Variants in PSMD14 observed in about 807,000 individuals in gnomAD.
PSMD14 encodes ubiquitin C-terminal hydrolase PSMD14.
In PSMD14, 7 loss-of-function variants were observed where a neutral mutation model predicts 41.2. The observed-to-expected ratio is 0.17, with a 90% CI of 0.10 to 0.32. The LOEUF (loss-of-function observed/expected upper bound fraction) is 0.32. PSMD14 is among the 10% of genes least tolerant of loss of function. The pLI is 1.00. For missense variants in PSMD14, 139 were observed against 375.6 expected, an observed-to-expected ratio of 0.37 and a Z score of 5.21; for synonymous variants, 114 against 122.3, an observed-to-expected ratio of 0.93 and a Z score of 0.45.
At chr2:161,327,067 A>G (rs183582320) in intron 3 of PSMD14, among the ~76,000 whole-genome samples, 4 of 152,292 alleles carry the variant, frequency 2.6e-5, no homozygotes, top group South Asian at 2.1e-4. Context: ...ATATGCTACA[A>G]CATGAGTGAA....
chr2:161,382,726 G>A (rs1473512486), intron 7 of PSMD14: 18 of 151,752 alleles, frequency 1.2e-4, no homozygotes, highest in Admixed American at 1.2e-3. Flanking sequence ...TATATATTAA[G>A]GAGATAGTTT....
At chr2:161,365,490 T>G (rs1025546412) in intron 3 of PSMD14, among the ~76,000 whole-genome samples, 1 of 152,116 alleles carries the variant, frequency 6.6e-6, no homozygotes, top group African/African-American at 2.4e-5. Flanking sequence ...AGTAATGCAT[T>G]TTGGTGATGG....
chr2:161,312,437 C>T (rs566232530), intron 1 of PSMD14, among the ~76,000 whole-genome samples: 5 of 152,284 alleles, frequency 3.3e-5, no homozygotes, highest in African/African-American at 1.2e-4. Flanking sequence ...AGCCACTGCA[C>T]CTGGCCAAAA....
At chr2:161,369,938 A>G (rs1427698378) in intron 5 of PSMD14, among the ~76,000 whole-genome samples, 169 bp from the exon 6 acceptor site, 3 of 152,112 alleles carry the variant, frequency 2.0e-5, no homozygotes, top group Non-Finnish European at 4.4e-5. Flanking sequence ...GTAGTTGGCA[A>G]TTTTAGAAGC....
chr2:161,371,040 A>G, intron 6 of PSMD14, 132 bp from the exon 7 acceptor site: 1 of 994,806 alleles, frequency 1.0e-6, no homozygotes, highest in East Asian at 2.6e-5. Flanking sequence ...CAGGGTTTCT[A>G]ATGGTGCTTT....
In PSMD14 at chr2:161,338,341, GT is replaced by G. The variant is rs34156868; in HGVS notation, c.48+19485del. On this transcript the variant is annotated intron_variant, in intron 3 of 11. Transcript: ENST00000409682. ...TTATATTGTAGGTAGGGTTAGGAGA[GT>G]TTTTTTTTTTTTTTTTGGAAAGAAA... Among the ~76,000 whole-genome samples the G allele has an allele frequency of 5.7e-3, 757 of 132,696 alleles. 4 individuals carry two copies. Among genetic ancestry groups the G allele is most frequent in the African/African-American group, 0.012 (437 of 35,988 alleles). The allele number at this position is 132,696 out of a possible 152,430, so 87.1% of individuals were successfully genotyped here. A position where few individuals can be genotyped will look rare whatever the true frequency, so the allele number is the denominator to read the frequency against.
At chr2:161,378,222 G>T (rs937274205) in intron 7 of PSMD14, among the ~76,000 whole-genome samples, 2 of 151,916 alleles carry the variant, frequency 1.3e-5, no homozygotes, top group South Asian at 2.1e-4. Context: ...ATTAATAGAT[G>T]TTTACAGCCA....
Position 161,316,123 on chromosome 2 carries a change from C to T in PSMD14, c.-137-314C>T, listed in dbSNP as rs568199675. 1.8e-4 allele frequency among the ~76,000 whole-genome samples: 28 copies of T among 152,228 alleles called. 1 individual carries two copies. Among genetic ancestry groups the T allele is most frequent in the Admixed American group, 1.4e-3 (22 of 15,294 alleles). On this transcript the variant is annotated intron_variant, in intron 1 of 11. Coordinates refer to ENST00000409682, the MANE Select transcript of PSMD14 (RefSeq NM_005805.6). The stretch of plus-strand genomic sequence containing the variant: ...CCTCCCAAAGTGCTGGGATTACAGG[C>T]GTGAGCCACTGCGCCCAGCCTGTTT...
At chr2:161,341,003 C>G in intron 3 of PSMD14, 3 of 1,611,608 alleles carry the variant, frequency 1.9e-6, no homozygotes, top group Non-Finnish European at 2.5e-6. Flanking sequence ...CCTCCACCGC[C>G]TGCTCCTCCG....
chr2:161,374,837 A>C (rs944164656), intron 7 of PSMD14, among the ~76,000 whole-genome samples: 1 of 152,072 alleles, frequency 6.6e-6, no homozygotes, highest in African/African-American at 2.4e-5. Context: ...CTAGCATACA[A>C]CTTAATTAGG....
chr2:161,316,204 G>C (rs1340024846), intron 1 of PSMD14, among the ~76,000 whole-genome samples: 9 of 152,210 alleles, frequency 5.9e-5, no homozygotes, highest in Admixed American at 3.9e-4. Flanking sequence ...TGTCTTCAAA[G>C]TTAGTGTTCA....
At chr2:161,314,558 C>A (rs1689127381) in intron 1 of PSMD14, among the ~76,000 whole-genome samples, 1 of 152,188 alleles carries the variant, frequency 6.6e-6, no homozygotes, top group Non-Finnish European at 1.5e-5. Flanking sequence ...TCCTCCCTTC[C>A]CCACCCACTG....
In PSMD14 at chr2:161,310,787, A is replaced by T. The variant is rs375663445; in HGVS notation, c.-138+2183A>T. Among the ~76,000 whole-genome samples, 5 of 152,276 alleles carry T rather than the reference A, an allele frequency of 3.3e-5. No homozygotes were observed. The South Asian group carries it at 6.2e-4, about 19-fold the overall frequency. On this transcript the variant is annotated intron_variant, in intron 1 of 11. Coordinates refer to ENST00000409682, the MANE Select transcript of PSMD14 (RefSeq NM_005805.6). ...TATAGTGAGTAGGTGGTGACGCCGG[A>T]TTCAAATTGAGGTCAACTGGTTCAA...
intron 10 of PSMD14, 126 bp from the exon 11 acceptor site, chr2:161,408,711 C>A: frequency 3.1e-6 from 2 of 649,492 alleles, no homozygotes; most frequent in Non-Finnish European, 5.3e-6. Flanking sequence ...TTTATTTGTT[C>A]AGTAAATTAT....
intron 7 of PSMD14, among the ~76,000 whole-genome samples, chr2:161,373,987 T>TA (rs760589797): frequency 1.3e-4 from 19 of 149,162 alleles, no homozygotes; most frequent in South Asian, 4.2e-4. Context: ...TATTAGTGGT[T>TA]AAAAAAAAAA....
intron 3 of PSMD14, among the ~76,000 whole-genome samples, chr2:161,350,461 A>C (rs1683102494): frequency 6.6e-6 from 1 of 152,242 alleles, no homozygotes; most frequent in African/African-American, 2.4e-5. Flanking sequence ...TTTTGAGTGA[A>C]TAACTGACTG....
intron 3 of PSMD14, among the ~76,000 whole-genome samples, chr2:161,337,673 A>G (rs1375946952): frequency 2.6e-5 from 4 of 152,230 alleles, no homozygotes; most frequent in Non-Finnish European, 4.4e-5. Context: ...TGACGGTCCC[A>G]TGGCTGCCAG....
chr2:161,373,489 A>G (rs540332050), intron 7 of PSMD14, among the ~76,000 whole-genome samples: 6 of 152,038 alleles, frequency 3.9e-5, no homozygotes, highest in African/African-American at 1.2e-4. Flanking sequence ...TCTCATCTCT[A>G]TGAATCAGAT....
chr2:161,321,414 C>G (rs1005488074), intron 3 of PSMD14, among the ~76,000 whole-genome samples: 1 of 152,164 alleles, frequency 6.6e-6, no homozygotes, highest in Non-Finnish European at 1.5e-5. Flanking sequence ...TTTTGATGAA[C>G]GAAATGTCCA....
Sources: allele counts gnomAD v4.1 joint callset (sites outside exome capture counted in the v4.1 genomes callset), GRCh38; gene constraint gnomAD v4.1.1; transcripts MANE v1.5; gene names NCBI Gene and HGNC (gene_info 2026-07-23, HGNC 2026-07-21).